MAFG: variants seen among roughly 807,000 people sequenced by gnomAD.
The protein encoded by MAFG is transcription factor MafG.
Under a neutral mutation model 12.2 loss-of-function variants are expected in MAFG, and 3 were observed. The observed-to-expected ratio is 0.25, with a 90% CI of 0.11 to 0.64. The LOEUF (loss-of-function observed/expected upper bound fraction) is 0.64. MAFG is among the 30% of genes least tolerant of loss of function. MAFG has a pLI of 0.85. For missense variants in MAFG, 153 were observed against 235.5 expected (o/e 0.65, Z 2.29); for synonymous variants, 126 against 109.1 (o/e 1.15, Z -0.96).
chr17:81,928,822 C>A (rs920335989), upstream of MAFG, among the ~76,000 whole-genome samples: 2 of 152,264 alleles, frequency 1.3e-5, no homozygotes, highest in African/African-American at 4.8e-5. The surrounding 1 kb of genome is among the most constrained non-coding windows in gnomAD (Gnocchi z 8.1). Context: ...TCCTGCCTCT[C>A]CTCCCTGCTC....
At position 81,919,426 on chromosome 17, in the gene MAFG, C is replaced by A. The variant is rs946371036; in HGVS notation, c.*3179G>T. On this transcript the variant is annotated 3_prime_UTR_variant, in exon 3 of 3. Coordinates refer to ENST00000357736, the MANE Select transcript of MAFG (RefSeq NM_002359.4). ...TGCACCAAGAGCTGAGCCAGCAACA[C>A]CAGTGCCACCCCGAGCAGCAGCCAG... 1 of 152,396 alleles carries A rather than the reference C, an allele frequency of 6.6e-6. No individual in the cohort carries two copies. The highest frequency in any genetic ancestry group is 6.5e-5 in the Admixed American group (1 of 15,294). 9.4% of individuals were successfully genotyped at this position (152,396 alleles called of 1,614,324 possible). A position where few individuals can be genotyped will look rare whatever the true frequency, so the allele number is the denominator to read the frequency against.
chr17:81,922,715 C>G lies in MAFG; in HGVS notation c.379G>C (p.Ala127Pro). 1 of 1,551,372 alleles carries G rather than the reference C, an allele frequency of 6.4e-7. No homozygotes were observed. Among genetic ancestry groups the G allele is most frequent in the Non-Finnish European group, 8.7e-7 (1 of 1,149,744 alleles). The change falls in exon 3 of 3, where the codon GCG becomes CCG. Residue 127 changes from alanine to proline, a missense_variant. Transcript: ENST00000357736. Reference protein sequence around the residue: ...FARTVARSPVAPARGPLAAGL... With the variant: ...FARTVARSPVPPARGPLAAGL... ...GCGGCAAGGGGGCCCCGGGCTGGCG[C>G]CACGGGGCTGCGGGCCACCGTCCGG...
upstream of MAFG, among the ~76,000 whole-genome samples, chr17:81,930,955 G>C (rs2040981043): frequency 6.6e-6 from 1 of 152,156 alleles, no homozygotes; most frequent in African/African-American, 2.4e-5. This position sits in a 1 kb window ranked among gnomAD's most constrained non-coding sequence, Gnocchi z 4.1. Context: ...TCCTTGACCT[G>C]CTGAGGCCCA....
chr17:81,927,447 C>T (rs1189003512), intron 1 of MAFG, 81 bp downstream of exon 1: 1 of 149,068 alleles, frequency 6.7e-6, no homozygotes, highest in African/African-American at 2.4e-5. Flanking sequence ...GGGAGGAGCC[C>T]TGCCTGCGCG....
chr17:81,928,125 G>A (rs1254052255), upstream of MAFG: 3 of 152,146 alleles, frequency 2.0e-5, no homozygotes, highest in Admixed American at 6.5e-5. This position sits in a 1 kb window ranked among gnomAD's most constrained non-coding sequence, Gnocchi z 8.1. Context: ...CTTGCGTCAG[G>A]ACGGCGCCGC....
chr17:81,919,229 G>A lies in MAFG; in HGVS notation c.*3376C>T, dbSNP rs2040861933. ...CAGAGCGGAAACGGTGCAGCAGGCT[G>A]CGGCTCCGACTTTCCAGATGTGGAT... On this transcript the variant is annotated 3_prime_UTR_variant, in exon 3 of 3. Transcript: ENST00000357736. The A allele has an allele frequency of 6.6e-6, 1 of 152,300 alleles. No individual in the cohort carries two copies. Among genetic ancestry groups the A allele is most frequent in the Non-Finnish European group, 1.5e-5 (1 of 68,060 alleles). The allele number at this position is 152,300 out of a possible 1,614,324, so 9.4% of individuals were successfully genotyped here.
rs1275224428 is a variant in MAFG, at chr17:81,926,896, T to G, written c.-30+632A>C. On this transcript the variant is annotated intron_variant, in intron 1 of 2. Transcript: ENST00000357736. The surrounding 1 kb of genome is among the most constrained non-coding windows in gnomAD (Gnocchi z 4.6). ...TCCCTCCCACCTCCCGCTGGCGGCC[T>G]TTTAGTCCCCGAGGCCCCTCGCTCG... Among the ~76,000 whole-genome samples the G allele has an allele frequency of 6.6e-6, 1 of 151,602 alleles. No homozygotes were observed. Among genetic ancestry groups the G allele is most frequent in the Non-Finnish European group, 1.5e-5 (1 of 67,840 alleles).
At chr17:81,928,807 C>G (rs1369207601), upstream of MAFG, among the ~76,000 whole-genome samples, 1 of 152,250 alleles carries the variant, frequency 6.6e-6, no homozygotes, top group African/African-American at 2.4e-5. This position sits in a 1 kb window ranked among gnomAD's most constrained non-coding sequence, Gnocchi z 8.1. Flanking sequence ...GAGTGCAGCT[C>G]CGTCTCCTGC....
rs2040922966 is a variant in MAFG, at chr17:81,924,228, G to A, written c.-29-1014C>T. ...TCCCTGCCCCGGGTGAGTGCCCACA[G>A]GGCCAGGGAGCAAAAACAAAAGTGC... On this transcript the variant is annotated intron_variant, in intron 1 of 2. Coordinates refer to ENST00000357736, the MANE Select transcript of MAFG (RefSeq NM_002359.4). This position sits in a 1 kb window ranked among gnomAD's most constrained non-coding sequence, Gnocchi z 4.7. 1 of 152,288 alleles carries A rather than the reference G, an allele frequency of 6.6e-6. No homozygotes were observed. Among genetic ancestry groups the A allele is most frequent in the African/African-American group, 2.4e-5 (1 of 41,460 alleles). The allele number at this position is 152,288 out of a possible 1,614,324, so 9.4% of individuals were successfully genotyped here.
At chr17:81,928,373 G>T (rs1257237710), upstream of MAFG, 1 of 152,212 alleles carries the variant, frequency 6.6e-6, no homozygotes, top group Non-Finnish European at 1.5e-5. The surrounding 1 kb of genome is among the most constrained non-coding windows in gnomAD (Gnocchi z 8.1). Flanking sequence ...CCCGTGTCTG[G>T]ACTTTCTCCT....
At position 81,922,956 on chromosome 17, in the gene MAFG, C is replaced by T. The variant is rs903082314; in HGVS notation, c.138G>A (p.Lys46=). The T allele has an allele frequency of 1.2e-6, 2 of 1,602,358 alleles. No homozygotes were observed. The highest frequency in any genetic ancestry group is 1.7e-6 in the Non-Finnish European group (2 of 1,174,726). Residue 46 remains lysine, a synonymous_variant, in exon 3 of 3, where the codon AAG becomes AAA. Coordinates refer to ENST00000357736, the MANE Select transcript of MAFG (RefSeq NM_002359.4). ...GCTGCTTCAGCTGGACGATCTCCTCCTTGGACAGGCCCCGCAGGTGCTGGT... is the reference window on the plus strand; with the variant it reads ...GCTGCTTCAGCTGGACGATCTCCTCTTTGGACAGGCCCCGCAGGTGCTGGT... ...ELNQHLRGLS[K]EEIVQLKQRR...
At chr17:81,925,434 C>T (rs1418872046) in intron 1 of MAFG, among the ~76,000 whole-genome samples, 1 of 152,248 alleles carries the variant, frequency 6.6e-6, no homozygotes, top group Admixed American at 6.5e-5. Flanking sequence ...GGCCTCTGCT[C>T]CATAAGCTCT....
At chr17:81,923,517 A>C in intron 1 of MAFG, 16 of 271,774 alleles carry the variant, frequency 5.9e-5, no homozygotes, top group Non-Finnish European at 9.7e-5. Context: ...GAGAGATTAG[A>C]AGGAATAAGA....
At chr17:81,923,262 A>ACT in intron 1 of MAFG, 48 bp from the exon 2 acceptor site, 1 of 361,770 alleles carries the variant, frequency 2.8e-6, no homozygotes, top group Non-Finnish European at 3.9e-6. Flanking sequence ...CCCTCGCCGC[A>ACT]CCCCCCCCCC....
chr17:81,927,087 AC>A (rs1471579194), intron 1 of MAFG, among the ~76,000 whole-genome samples: 1 of 146,986 alleles, frequency 6.8e-6, no homozygotes, highest in Non-Finnish European at 1.5e-5. Context: ...CTCGCCGCGG[AC>A]CCCCGCGCCG....
At chr17:81,927,298 C>G (rs1164234820) in intron 1 of MAFG, among the ~76,000 whole-genome samples, 3 of 150,916 alleles carry the variant, frequency 2.0e-5, no homozygotes, top group Non-Finnish European at 3.0e-5. Context: ...CGGCCCACCT[C>G]CAGTACCCGG....
At position 81,922,138 on chromosome 17, in the gene MAFG, G is replaced by A. The variant is rs2040896548; in HGVS notation, c.*467C>T. On this transcript the variant is annotated 3_prime_UTR_variant, in exon 3 of 3. Transcript: ENST00000357736. Reference sequence around the variant, plus strand: ...CTCAGAGCAGAGCCCATCTCTTCATGCTGGGCTAAGCTGAGCTGCTCCCCT... The same window carrying A: ...CTCAGAGCAGAGCCCATCTCTTCATACTGGGCTAAGCTGAGCTGCTCCCCT... 1 of 152,680 alleles carries A rather than the reference G, an allele frequency of 6.5e-6. No individual in the cohort carries two copies. Among genetic ancestry groups the A allele is most frequent in the Non-Finnish European group, 1.5e-5 (1 of 68,378 alleles). The allele number at this position is 152,680 out of a possible 1,614,324, so 9.5% of individuals were successfully genotyped here.
intron 1 of MAFG, among the ~76,000 whole-genome samples, chr17:81,925,608 A>G (rs1159091536): frequency 2.0e-5 from 3 of 152,108 alleles, no homozygotes; most frequent in Non-Finnish European, 2.9e-5. Flanking sequence ...GGAGATCGAG[A>G]CCATCCTGGC....
upstream of MAFG, chr17:81,928,180 G>A (rs894257116): frequency 4.6e-5 from 7 of 152,332 alleles, no homozygotes; most frequent in Admixed American, 4.6e-4. This position sits in a 1 kb window ranked among gnomAD's most constrained non-coding sequence, Gnocchi z 8.1. Context: ...GCGGCGCGGG[G>A]CGGGGACGGC....
Sources: allele counts gnomAD v4.1 joint callset (sites outside exome capture counted in the v4.1 genomes callset), GRCh38; gene constraint gnomAD v4.1.1; non-coding constraint Gnocchi (gnomAD v3.1); transcripts MANE v1.5; gene names NCBI Gene and HGNC (gene_info 2026-07-23, HGNC 2026-07-21).